Variants in CABIN1 observed in about 807,000 individuals in gnomAD.
CABIN1 encodes calcineurin binding protein 1, also known as calcineurin-binding protein cabin-1.
A neutral mutation model predicts 227.7 loss-of-function variants in CABIN1; 133 were observed. The observed-to-expected ratio is 0.58, with a 90% confidence interval of 0.51 to 0.67. The LOEUF (loss-of-function observed/expected upper bound fraction) is 0.67, where lower values mean the gene tolerates loss of function less well. Among genes scored for constraint, CABIN1 ranks in the 30% least tolerant of loss-of-function variants. CABIN1 has a pLI of 0.00. For synonymous variants in CABIN1, 1,086 were observed against 1,155.1 expected, an observed-to-expected ratio of 0.94 and a Z score of 1.21; for missense variants, 2,408 against 2,852.5, an observed-to-expected ratio of 0.84 and a Z score of 3.55.
intron 1 of CABIN1, among the ~76,000 whole-genome samples, chr22:24,022,069 T>G (rs1286654566): frequency 6.6e-6 from 1 of 152,260 alleles, no homozygotes; most frequent in Non-Finnish European, 1.5e-5. Context: ...TACTTTGATG[T>G]CTATCCCTGT....
chr22:24,126,998 CAAA>C (rs36026569), intron 28 of CABIN1, among the ~76,000 whole-genome samples: 3 of 70,688 alleles, frequency 4.2e-5, no homozygotes, highest in Non-Finnish European at 3.0e-5. Context: ...GACTCTGTCT[CAAA>C]AAAAAAAAAA....
chr22:24,092,484 A>G (rs2041610752), intron 24 of CABIN1, among the ~76,000 whole-genome samples: 1 of 152,160 alleles, frequency 6.6e-6, no homozygotes, highest in Non-Finnish European at 1.5e-5. Flanking sequence ...AACCAAGGAC[A>G]TTGGTAGAGA....
In CABIN1 at chr22:24,064,168, CTG is replaced by C; in HGVS notation, c.2021_2022del (p.Val674GlyfsTer7). On this transcript the variant is annotated frameshift_variant, in exon 15 of 37. Coordinates refer to ENST00000263119, the MANE Select transcript of CABIN1 (RefSeq NM_012295.4). LOFTEE classifies it high-confidence loss of function. ...CGGCTGCCCAACCTCCATAATGACT[CTG>C]TGGTTTCCCTGGAGGAGGTAAGTGA... is the stretch of plus-strand genomic sequence containing the variant. The C allele has an allele frequency of 6.2e-7, 1 of 1,614,212 alleles. No homozygotes were observed. The highest frequency in any genetic ancestry group is 8.5e-7 in the Non-Finnish European group (1 of 1,180,036).
At chr22:24,176,387 C>T in intron 35 of CABIN1, 112 bp downstream of exon 35, 1 of 1,225,376 alleles carries the variant, frequency 8.2e-7, no homozygotes, top group South Asian at 1.3e-5. Context: ...GGGGATGCCC[C>T]ATGGAATGAG....
rs961338283 is a variant in CABIN1, at chr22:24,177,777, C to A, written c.6479C>A (p.Pro2160His). 1.9e-6 allele frequency: 3 copies of A among 1,609,752 alleles called. No homozygotes were observed. Among genetic ancestry groups the A allele is most frequent in the East Asian group, 2.2e-5 (1 of 44,768 alleles). The part of the protein sequence containing the change: ...VTPPTPTLLS[P>H]KGSISEETKQ... The stretch of plus-strand genomic sequence containing the variant: ...CCACCCACCCCAACCCTGCTCTCCC[C>A]CAAAGGCAGCATCTCGGAGGAGACC... The change falls in exon 36 of 37, where the codon CCC becomes CAC. Residue 2160 changes from proline to histidine, a missense_variant. By Grantham distance (77) the Pro-to-His change is moderately conservative. This residue lies in a region of CABIN1 where 714 missense variants were observed against 773.8 expected (regional missense o/e 0.92). Transcript: ENST00000263119. This position sits in a 1 kb window ranked among gnomAD's most constrained non-coding sequence, Gnocchi z 4.4.
chr22:24,102,448 G>A (rs2042258209), intron 26 of CABIN1: 2 of 152,332 alleles, frequency 1.3e-5, no homozygotes, highest in African/African-American at 4.8e-5. Flanking sequence ...CCAACCTGTA[G>A]CCATGCCCAT....
At chr22:24,039,395 G>A (rs7291031) in intron 4 of CABIN1, among the ~76,000 whole-genome samples, 17,002 of 152,060 alleles carry the variant, frequency 0.11, 1,074 homozygotes, top group African/African-American at 0.16. Flanking sequence ...TCTCACCCAC[G>A]GTTTTTCTTT....
In CABIN1 at chr22:24,171,878, A is replaced by G; in HGVS notation, c.5923A>G (p.Thr1975Ala). Reference sequence around the variant, plus strand: ...TCGCCCTGCACTAGCTGCCGCCACAACTATTATCACCTGCCCTCCGTCAGC... The same window carrying G: ...TCGCCCTGCACTAGCTGCCGCCACAGCTATTATCACCTGCCCTCCGTCAGC... ...KPRPALAAATTIITCPPSASA... is the reference protein window; with the variant it reads ...KPRPALAAATAIITCPPSASA... The change falls in exon 34 of 37, where the codon ACT becomes GCT. Residue 1975 changes from threonine to alanine, a missense_variant. By Grantham distance (58) the Thr-to-Ala change is moderately conservative. Transcript: ENST00000263119. The G allele has an allele frequency of 1.9e-6, 3 of 1,614,112 alleles. No homozygotes were observed. The highest frequency in any genetic ancestry group is 2.2e-5 in the East Asian group (1 of 44,882).
intron 29 of CABIN1, among the ~76,000 whole-genome samples, chr22:24,142,602 C>T (rs2044837566): frequency 6.6e-6 from 1 of 152,142 alleles, no homozygotes; most frequent in African/African-American, 2.4e-5. Flanking sequence ...CCCTGGTGGG[C>T]CTGTGGTCAG....
intron 9 of CABIN1, 36 bp from the exon 10 acceptor site, chr22:24,056,156 C>T (rs1364830357): frequency 1.3e-6 from 2 of 1,594,650 alleles, no homozygotes; most frequent in South Asian, 1.1e-5. Context: ...TCATCCCTGC[C>T]ACCGTGTAAG....
intron 30 of CABIN1, 133 bp downstream of exon 30, chr22:24,164,696 CT>C: frequency 9.5e-7 from 1 of 1,056,868 alleles, no homozygotes; most frequent in Non-Finnish European, 1.4e-6. Flanking sequence ...GCTCTTCATT[CT>C]CCTTGGGGGC....
intron 28 of CABIN1, among the ~76,000 whole-genome samples, chr22:24,128,810 C>G (rs1228808065): frequency 6.6e-6 from 1 of 152,238 alleles, no homozygotes; most frequent in African/African-American, 2.4e-5. Flanking sequence ...TGGAGCCCTA[C>G]TGGTCTTGCA....
intron 15 of CABIN1, among the ~76,000 whole-genome samples, chr22:24,064,669 C>A (rs538496231): frequency 6.6e-6 from 1 of 151,508 alleles, no homozygotes; most frequent in Non-Finnish European, 1.5e-5. Context: ...TGCGGCCTTC[C>A]GCAGTGTTTG....
intron 24 of CABIN1, among the ~76,000 whole-genome samples, chr22:24,093,237 A>G (rs2041667242): frequency 6.6e-6 from 1 of 152,212 alleles, no homozygotes; most frequent in Admixed American, 6.5e-5. Context: ...AATATTTGCT[A>G]ATTTTGTGAG....
At chr22:24,146,882 G>A (rs1238158685) in intron 29 of CABIN1, among the ~76,000 whole-genome samples, 1 of 152,204 alleles carries the variant, frequency 6.6e-6, no homozygotes, top group Admixed American at 6.5e-5. Flanking sequence ...GCTAGGAGGT[G>A]CAGAATCTCT....
chr22:24,063,264 A>C (rs1380706980), intron 14 of CABIN1, 118 bp downstream of exon 14: 1 of 1,037,544 alleles, frequency 9.6e-7, no homozygotes, highest in Admixed American at 1.8e-5. Flanking sequence ...GTGTGCATGC[A>C]TGTGTACATG....
chr22:24,019,644 T>G (rs112036850), intron 1 of CABIN1, among the ~76,000 whole-genome samples: 1,804 of 149,510 alleles, frequency 0.012, 37 homozygotes, highest in African/African-American at 0.042. Context: ...ATAGCTTTTC[T>G]TTACCCTTTT....
chr22:24,065,849 T>C, intron 15 of CABIN1, among the ~76,000 whole-genome samples: 1 of 151,932 alleles, frequency 6.6e-6, no homozygotes, highest in Non-Finnish European at 1.5e-5. Flanking sequence ...CGAAAAAATA[T>C]GAAAACCAGT....
intron 1 of CABIN1, among the ~76,000 whole-genome samples, chr22:24,015,566 G>T (rs868662903): frequency 6.6e-6 from 1 of 151,454 alleles, no homozygotes; most frequent in Non-Finnish European, 1.5e-5. Flanking sequence ...GGATGGTCTC[G>T]ATCTTCTGAC....
Sources: gnomAD v4.1 joint callset for allele counts (sites outside exome capture counted in the v4.1 genomes callset) on GRCh38, gnomAD v4.1.1 for gene constraint, gnomAD v4.1.1 regional missense constraint, Gnocchi (gnomAD v3.1) non-coding constraint, MANE v1.5 for transcripts, NCBI Gene and HGNC (gene_info 2026-07-23, HGNC 2026-07-21) for gene names.